SPEG: variants seen among roughly 807,000 people sequenced by gnomAD.
The protein encoded by SPEG is striated muscle preferentially expressed protein kinase.
In SPEG, 114 loss-of-function variants were observed where a neutral mutation model predicts 300.4. The ratio of observed to expected loss-of-function variants is 0.38; its 90% CI spans 0.33 to 0.44. The LOEUF is 0.44. SPEG is among the 20% of genes least tolerant of loss of function. SPEG has a pLI of 1.00. For missense variants in SPEG, 4,201 were observed against 4,586.2 expected, an observed-to-expected ratio of 0.92 and a Z score of 2.43; for synonymous variants, 1,964 against 2,018.9, an observed-to-expected ratio of 0.97 and a Z score of 0.73.
Position 219,488,232 on chromosome 2 carries a change from G to A in SPEG, c.7780G>A (p.Val2594Met). The change falls in exon 32 of 41, where the codon GTG becomes ATG. Residue 2594 changes from valine to methionine, a missense_variant. Around this residue, in one of 4 missense-constraint regions of SPEG, gnomAD observed 1,578 missense variants for 1,506.0 expected, o/e 1.05. Coordinates refer to ENST00000312358, the MANE Select transcript of SPEG (RefSeq NM_005876.5). ...CTTCCACATCAAACTCAAGGACCAG[G>A]TGCTGCTGGAGGGGGAGGCAGCCAC... ...PVFHIKLKDQ[V>M]LLEGEAATLL... 1.9e-6 allele frequency: 3 copies of A among 1,613,692 alleles called. No homozygotes were observed. The highest frequency in any genetic ancestry group is 8.5e-7 in the Non-Finnish European group (1 of 1,179,870).
Position 219,473,249 on chromosome 2 carries a change from T to A in SPEG, c.4147+153T>A. The A allele has an allele frequency of 1.2e-6, 1 of 812,158 alleles. No individual in the cohort carries two copies. The highest frequency in any genetic ancestry group is 1.9e-6 in the Non-Finnish European group (1 of 522,450). 50.3% of individuals were successfully genotyped at this position (812,158 alleles called of 1,614,324 possible). Reference sequence around the variant, plus strand: ...CTTGGCCCATCTGTACACTTCCTTCTCCCTCCTGAAAGCAGCAGGGCACGG... The same window carrying A: ...CTTGGCCCATCTGTACACTTCCTTCACCCTCCTGAAAGCAGCAGGGCACGG... On this transcript the variant is annotated intron_variant, in intron 16 of 40. Coordinates refer to ENST00000312358, the MANE Select transcript of SPEG (RefSeq NM_005876.5). This position sits in a 1 kb window ranked among gnomAD's most constrained non-coding sequence, Gnocchi z 4.6.
rs1691608841 is a variant in SPEG at position 219,468,802 on chromosome 2, C to T, written c.3302-57C>T. ...GGCCCAGGCGGCGATGGGGTGCACCCAGAGGGCAGGGCCCCTCACTGTGCC... is the reference window on the plus strand; with the variant it reads ...GGCCCAGGCGGCGATGGGGTGCACCTAGAGGGCAGGGCCCCTCACTGTGCC... On this transcript the variant is annotated intron_variant, in intron 11 of 40. Transcript: ENST00000312358. The T allele has an allele frequency of 1.2e-5, 20 of 1,607,790 alleles. No individual in the cohort carries two copies. The South Asian group carries it at 2.1e-4, about 17-fold the overall frequency.
Position 219,448,770 on chromosome 2 carries a change from C to G in SPEG, c.1612C>G (p.Arg538Gly). 6.9e-7 allele frequency: 1 copy of G among 1,446,638 alleles called. No individual in the cohort carries two copies. Among genetic ancestry groups the G allele is most frequent in the Non-Finnish European group, 9.0e-7 (1 of 1,106,852 alleles). 89.6% of individuals were successfully genotyped at this position (1,446,638 alleles called of 1,614,324 possible). The change falls in exon 4 of 41, where the codon CGG (arginine) becomes GGG (glycine). Residue 538 changes from arginine (R) to glycine (G), a missense_variant. Physicochemically the swap from Arg to Gly is moderately radical, Grantham distance 125. Around this residue, in one of 4 missense-constraint regions of SPEG, gnomAD observed 1,258 missense variants for 1,293.9 expected, o/e 0.97. Transcript: ENST00000312358. ...GCCCGGCGAGCCCCCGCTCTTCTCT[C>G]GGCCCTCCACCCCCAAGACATCGCG... ...REPGEPPLFS[R>G]PSTPKTSRAV...
intron 31 of SPEG, among the ~76,000 whole-genome samples, chr2:219,486,206 G>T (rs905936773): frequency 2.0e-5 from 3 of 152,248 alleles, no homozygotes; most frequent in Admixed American, 2.0e-4. Context: ...AGATAGGGAG[G>T]CATTCCCCAT....
rs762002956 is a variant in SPEG, at chr2:219,484,357, G to C, written c.6894G>C (p.Gly2298=). Residue 2298 remains glycine, a synonymous_variant, in exon 30 of 41, where the codon GGG becomes GGC. Coordinates refer to ENST00000312358, the MANE Select transcript of SPEG (RefSeq NM_005876.5). ...CCGAGAAGCGCGTGCCCTCAGCCGG[G>C]GGTCCCCCGGTGCTAGCCGAGAAAG... The part of the protein sequence containing the change: ...GAPEKRVPSA[G]GPPVLAEKAR... 3.7e-6 allele frequency: 6 copies of C among 1,606,698 alleles called. No individual in the cohort carries two copies. Among genetic ancestry groups the C allele is most frequent in the South Asian group, 3.3e-5 (3 of 90,950 alleles).
At chr2:219,442,418 C>T (rs1474675854) in intron 1 of SPEG, among the ~76,000 whole-genome samples, 2 of 151,976 alleles carry the variant, frequency 1.3e-5, no homozygotes, top group Non-Finnish European at 2.9e-5. Flanking sequence ...TCTGTCCAAC[C>T]TCAACCCCGG....
intron 4 of SPEG, among the ~76,000 whole-genome samples, 170 bp downstream of exon 4, chr2:219,449,441 G>A (rs1215795449): frequency 4.6e-5 from 7 of 152,362 alleles, no homozygotes; most frequent in African/African-American, 1.7e-4. Flanking sequence ...TCGACTTTGA[G>A]TGAAGGATTG....
chr2:219,447,890 C>T (rs990371309), intron 3 of SPEG, 84 bp from the exon 4 acceptor site: 16 of 1,324,382 alleles, frequency 1.2e-5, no homozygotes, highest in Non-Finnish European at 1.6e-5. Context: ...CCAGCATGCC[C>T]ACCACCCAAT....
intron 9 of SPEG, chr2:219,466,112 C>T: frequency 6.3e-7 from 1 of 1,589,658 alleles, no homozygotes; most frequent in Non-Finnish European, 8.5e-7. Flanking sequence ...GAGCCGCGCC[C>T]CTGTCTCAGG....
At position 219,451,396 on chromosome 2, in the gene SPEG, C is replaced by G. The variant is rs960026668; in HGVS notation, c.2257+117C>G. 2 of 1,373,206 alleles carry G rather than the reference C, an allele frequency of 1.5e-6. No homozygotes were observed. The highest frequency in any genetic ancestry group is 2.5e-5 in the East Asian group (1 of 39,678). The allele number at this position is 1,373,206 out of a possible 1,614,324, so 85.1% of individuals were successfully genotyped here. On this transcript the variant is annotated intron_variant, in intron 5 of 40. Transcript: ENST00000312358. This position sits in a 1 kb window ranked among gnomAD's most constrained non-coding sequence, Gnocchi z 6.4. ...GGGGTGGGAAAGAGGGGAATTATCC[C>G]CTCCACGGGGGCTGCCCTGACTTGG... is the stretch of plus-strand genomic sequence containing the variant.
intron 13 of SPEG, among the ~76,000 whole-genome samples, chr2:219,470,355 C>T (rs1559398708): frequency 1.3e-5 from 2 of 152,166 alleles, no homozygotes; most frequent in South Asian, 2.1e-4. Context: ...TCCCTGCCCA[C>T]CCGCCTGCCC....
intron 3 of SPEG, 52 bp from the exon 4 acceptor site, chr2:219,447,922 T>C: frequency 2.7e-5 from 42 of 1,549,692 alleles, no homozygotes; most frequent in Non-Finnish European, 3.5e-5. Context: ...GCTAAGGGTC[T>C]AGGAGAGGAG....
intron 6 of SPEG, chr2:219,461,378 C>T: frequency 1.0e-6 from 1 of 997,826 alleles, no homozygotes; most frequent in Non-Finnish European, 1.2e-6. Flanking sequence ...GCCTCATTGG[C>T]CCTGGACCGA....
intron 14 of SPEG, 98 bp downstream of exon 14, chr2:219,472,085 C>A: frequency 6.5e-7 from 1 of 1,546,734 alleles, no homozygotes; most frequent in Non-Finnish European, 8.8e-7. Context: ...CTCCCTTCCC[C>A]TCCATCCCCT....
intron 6 of SPEG, chr2:219,460,317 C>G: frequency 1.0e-6 from 1 of 985,440 alleles, no homozygotes; most frequent in Non-Finnish European, 1.2e-6. Context: ...CCAAAGAAAA[C>G]AGGTATGCCC....
Position 219,485,002 on chromosome 2 carries a change from C to T in SPEG, c.7539C>T (p.Ala2513=). The T allele has an allele frequency of 3.3e-6, 5 of 1,531,462 alleles. No individual in the cohort carries two copies. Among genetic ancestry groups the T allele is most frequent in the Non-Finnish European group, 4.4e-6 (5 of 1,145,374 alleles). 94.9% of individuals were successfully genotyped at this position (1,531,462 alleles called of 1,614,324 possible). The change falls in exon 30 of 41, where the codon GCC becomes GCT. Residue 2513 remains alanine, a synonymous_variant. Transcript: ENST00000312358. ...GCCTTCCGCACAACCAGTTGGCCGC[C>T]CAGGCCGGCGCCACCACGCCTTCCG... ...RLGLPHNQLA[A]QAGATTPSAE...
In SPEG at chr2:219,472,964, C is replaced by T. The variant is rs368202336; in HGVS notation, c.4015C>T (p.Leu1339=). The T allele has an allele frequency of 2.9e-5, 47 of 1,613,788 alleles. No individual in the cohort carries two copies. The highest frequency in any genetic ancestry group is 4.0e-5 in the Non-Finnish European group (47 of 1,180,008). The change falls in exon 16 of 41, where the codon CTG becomes TTG. Residue 1339 remains leucine, a synonymous_variant. Coordinates refer to ENST00000312358, the MANE Select transcript of SPEG (RefSeq NM_005876.5). ...CCAGTGGACGGCACTGGTCACAGGCCTGCGGGAGCCAGGGTGGGCAGCCAC... is the reference window on the plus strand; with the variant it reads ...CCAGTGGACGGCACTGGTCACAGGCTTGCGGGAGCCAGGGTGGGCAGCCAC... ...SDQWTALVTG[L]REPGWAATGL...
intron 29 of SPEG, 103 bp from the exon 30 acceptor site, chr2:219,482,995 C>T (rs922828324): frequency 7.0e-7 from 1 of 1,423,006 alleles, no homozygotes; most frequent in Non-Finnish European, 9.7e-7. Flanking sequence ...TGTTCCCTGA[C>T]CCTCTGCATG....
rs746764108 is a variant in SPEG at position 219,473,723 on chromosome 2, C to T, written c.4272-5C>T. 1.2e-6 allele frequency: 2 copies of T among 1,612,714 alleles called. No individual in the cohort carries two copies. Among genetic ancestry groups the T allele is most frequent in the African/African-American group, 1.3e-5 (1 of 74,924 alleles). On this transcript the variant is annotated splice_polypyrimidine_tract_variant and splice_region_variant and intron_variant, in intron 17 of 40. Coordinates refer to ENST00000312358, the MANE Select transcript of SPEG (RefSeq NM_005876.5). The surrounding 1 kb of genome is among the most constrained non-coding windows in gnomAD (Gnocchi z 4.6). ...TGGGTGACCTCCCTGTCATGTGTCC[C>T]CTAGCTGCCGAGGGGCCCTCCTAGA... is the stretch of plus-strand genomic sequence containing the variant.
Sources: allele counts gnomAD v4.1 joint callset (sites outside exome capture counted in the v4.1 genomes callset), GRCh38; gene constraint gnomAD v4.1.1; regional missense constraint gnomAD v4.1.1; non-coding constraint Gnocchi (gnomAD v3.1); transcripts MANE v1.5; gene names NCBI Gene and HGNC (gene_info 2026-07-23, HGNC 2026-07-21).